Variants in ALK observed in about 807,000 individuals in gnomAD.
The protein encoded by ALK is ALK receptor tyrosine kinase.
In ALK, 74 loss-of-function variants were observed where a neutral mutation model predicts 163.1. The observed-to-expected ratio is 0.45, with a 90% CI of 0.38 to 0.55. The LOEUF (loss-of-function observed/expected upper bound fraction) is 0.55, where lower values mean the gene tolerates loss of function less well. Ranked by LOEUF, ALK falls within the 20% of genes least tolerant of loss-of-function variation. The pLI is 0.00. For synonymous variants in ALK, 960 were observed against 843.2 expected, an observed-to-expected ratio of 1.14 and a Z score of -2.40; for missense variants, 2,063 against 2,105.3, an observed-to-expected ratio of 0.98 and a Z score of 0.39.
intron 1 of ALK, among the ~76,000 whole-genome samples, chr2:29,795,408 A>G (rs1184047402): frequency 1.3e-5 from 2 of 152,196 alleles, no homozygotes; most frequent in African/African-American, 2.4e-5. Context: ...AAAACTCTCT[A>G]AAGGCAAATA....
At position 29,763,910 on chromosome 2, in the gene ALK, G is replaced by T. The variant is rs143366983; in HGVS notation, c.668-46213C>A. On this transcript the variant is annotated intron_variant, in intron 1 of 28. Transcript: ENST00000389048. ...AGAGAAAGAAACAGCCTTCTTCAGG[G>T]CCCCACACCAACTTTCAGGGATCTT... Among the ~76,000 whole-genome samples, 4 of 152,224 alleles carry T rather than the reference G, an allele frequency of 2.6e-5. No homozygotes were observed. The East Asian group carries it at 5.8e-4, about 22-fold the overall frequency.
chr2:29,695,737 T>A (rs1678536806), intron 2 of ALK, among the ~76,000 whole-genome samples: 1 of 152,074 alleles, frequency 6.6e-6, no homozygotes, highest in African/African-American at 2.4e-5. Flanking sequence ...AAGAAGACAG[T>A]TATGTGGCCA....
intron 3 of ALK, among the ~76,000 whole-genome samples, chr2:29,547,562 A>C (rs1486499697): frequency 6.6e-6 from 1 of 152,190 alleles, no homozygotes; most frequent in Non-Finnish European, 1.5e-5. Flanking sequence ...GTGCCACTGC[A>C]CTCTAGCCTG....
chr2:29,670,602 T>C (rs1166405059), intron 3 of ALK, among the ~76,000 whole-genome samples: 1 of 152,090 alleles, frequency 6.6e-6, no homozygotes, highest in Non-Finnish European at 1.5e-5. Context: ...TTATGCCCCT[T>C]GCTCTTCCTT....
intron 1 of ALK, among the ~76,000 whole-genome samples, chr2:29,878,270 C>T (rs1428071131): frequency 3.3e-5 from 5 of 152,152 alleles, no homozygotes; most frequent in African/African-American, 7.2e-5. Context: ...GCACAGAAAT[C>T]GAGAGAAAAA....
chr2:29,324,697 C>T (rs937267626), intron 6 of ALK, among the ~76,000 whole-genome samples: 21 of 152,154 alleles, frequency 1.4e-4, no homozygotes, highest in Non-Finnish European at 2.9e-4. Context: ...AGCCACATGC[C>T]ATCGAGGCCA....
At chr2:29,474,456 G>A (rs1436492282) in intron 4 of ALK, among the ~76,000 whole-genome samples, 1 of 152,100 alleles carries the variant, frequency 6.6e-6, no homozygotes, top group Non-Finnish European at 1.5e-5. Context: ...TGGTTTTAGT[G>A]TATGTATGCT....
intron 1 of ALK, among the ~76,000 whole-genome samples, chr2:29,813,753 G>A (rs187455867): frequency 3.3e-4 from 50 of 152,260 alleles, no homozygotes; most frequent in African/African-American, 1.1e-3. Context: ...TCTAAACTCA[G>A]TCTGTTCTCC....
intron 3 of ALK, among the ~76,000 whole-genome samples, chr2:29,532,800 T>C (rs180709308): frequency 5.3e-5 from 8 of 152,352 alleles, no homozygotes; most frequent in Non-Finnish European, 1.0e-4. Context: ...TTCCTTCTGA[T>C]ACATTAATTT....
intron 1 of ALK, among the ~76,000 whole-genome samples, chr2:29,850,908 C>T (rs961805064): frequency 3.9e-5 from 6 of 152,206 alleles, no homozygotes; most frequent in Non-Finnish European, 8.8e-5. Flanking sequence ...AGCCCTGCCC[C>T]CGGGGGACTT....
chr2:29,823,441 G>C (rs1213648905), intron 1 of ALK, among the ~76,000 whole-genome samples: 1 of 152,196 alleles, frequency 6.6e-6, no homozygotes, highest in Non-Finnish European at 1.5e-5. Context: ...CTCAGAATAA[G>C]ACAGGAAAAT....
intron 1 of ALK, among the ~76,000 whole-genome samples, chr2:29,808,816 C>T (rs1664680706): frequency 6.6e-6 from 1 of 152,222 alleles, no homozygotes; most frequent in African/African-American, 2.4e-5. Flanking sequence ...TACACAATTG[C>T]ATCTTGATGG....
intron 1 of ALK, among the ~76,000 whole-genome samples, chr2:29,903,495 A>G (rs969350457): frequency 2.0e-5 from 3 of 152,050 alleles, no homozygotes; most frequent in African/African-American, 7.2e-5. Context: ...CATAAACCCT[A>G]CCCAAATAAG....
At chr2:29,204,806 C>T (rs1011654428) in intron 26 of ALK, among the ~76,000 whole-genome samples, 1 of 152,192 alleles carries the variant, frequency 6.6e-6, no homozygotes, top group Non-Finnish European at 1.5e-5. Context: ...CAAGGCTAGT[C>T]TCGAACTTCT....
At chr2:29,244,572 AC>A (rs1664609343) in intron 12 of ALK, among the ~76,000 whole-genome samples, 1 of 152,162 alleles carries the variant, frequency 6.6e-6, no homozygotes, top group East Asian at 1.9e-4. Context: ...GCCTTGAAAC[AC>A]CTGAGCTTGC....
chr2:29,772,403 T>C (rs1312065556), intron 1 of ALK, among the ~76,000 whole-genome samples: 3 of 152,336 alleles, frequency 2.0e-5, no homozygotes, highest in South Asian at 4.1e-4. Flanking sequence ...ACACTGAATA[T>C]TGATTTGAAT....
intron 1 of ALK, among the ~76,000 whole-genome samples, chr2:29,843,765 C>G (rs1665761893): frequency 6.6e-6 from 1 of 152,180 alleles, no homozygotes; most frequent in Non-Finnish European, 1.5e-5. Context: ...AACAAAATCT[C>G]TGGGACCATG....
chr2:29,240,152 C>CAGAGAGAGAG (rs3054022), intron 12 of ALK, among the ~76,000 whole-genome samples: 10 of 143,298 alleles, frequency 7.0e-5, no homozygotes, highest in South Asian at 4.7e-4. Context: ...AGGGAAACAG[C>CAGAGAGAGAG]AGAGAGAGAG....
intron 1 of ALK, among the ~76,000 whole-genome samples, chr2:29,884,585 T>C (rs1572468220): frequency 6.6e-6 from 1 of 152,220 alleles, no homozygotes; most frequent in East Asian, 1.9e-4. Context: ...TGCAGGATTG[T>C]TATAAGAAAG....
Sources: gnomAD v4.1 joint callset for allele counts (sites outside exome capture counted in the v4.1 genomes callset) on GRCh38, gnomAD v4.1.1 for gene constraint, MANE v1.5 for transcripts, NCBI Gene and HGNC (gene_info 2026-07-23, HGNC 2026-07-21) for gene names.